Variants in PREX2 observed in about 807,000 individuals in gnomAD.
PREX2 encodes the protein phosphatidylinositol-3,4,5-trisphosphate dependent Rac exchange factor 2.
Under a neutral mutation model 203.2 loss-of-function variants are expected in PREX2, and 107 were observed. The observed-to-expected ratio is 0.53, with a 90% confidence interval of 0.45 to 0.62. The LOEUF (loss-of-function observed/expected upper bound fraction) is 0.62, where lower values mean the gene tolerates loss of function less well. Ranked by LOEUF, PREX2 falls within the 20% of genes least tolerant of loss-of-function variation. PREX2 has a pLI of 0.00. For synonymous variants in PREX2, 672 were observed against 663.6 expected, an observed-to-expected ratio of 1.01 and a Z score of -0.19; for missense variants, 1,777 against 1,955.9, an observed-to-expected ratio of 0.91 and a Z score of 1.72.
chr8:68,093,859 A>T (rs1809971392), intron 21 of PREX2, 137 bp downstream of exon 21: 1 of 481,226 alleles, frequency 2.1e-6, no homozygotes, highest in South Asian at 5.7e-5. Context: ...ATGTCTGTCA[A>T]ATGCATAAGT....
At chr8:68,028,530 C>T (rs998473156) in intron 5 of PREX2, among the ~76,000 whole-genome samples, 16 of 151,840 alleles carry the variant, frequency 1.1e-4, no homozygotes, top group South Asian at 6.2e-4. Flanking sequence ...TGGGTATCTG[C>T]GTAAATTTTA....
intron 14 of PREX2, 143 bp downstream of exon 14, chr8:68,072,713 G>T (rs1164026164): frequency 2.0e-6 from 1 of 507,994 alleles, no homozygotes; most frequent in Admixed American, 3.7e-5. Flanking sequence ...GCAGAGTTAG[G>T]ATTTGAACCT....
intron 37 of PREX2, among the ~76,000 whole-genome samples, chr8:68,206,561 T>C (rs1812630274): frequency 6.6e-6 from 1 of 152,178 alleles, no homozygotes; most frequent in Non-Finnish European, 1.5e-5. Context: ...TGCTGGGTCC[T>C]ATTAGAGCTT....
intron 17 of PREX2, among the ~76,000 whole-genome samples, chr8:68,081,230 C>G (rs1809508859): frequency 6.6e-6 from 1 of 152,120 alleles, no homozygotes; most frequent in African/African-American, 2.4e-5. Flanking sequence ...CATAGATCCC[C>G]CGCATGCTCG....
intron 30 of PREX2, 65 bp downstream of exon 30, chr8:68,121,114 C>T (rs1810764222): frequency 6.5e-7 from 1 of 1,549,520 alleles, no homozygotes; most frequent in Admixed American, 2.0e-5. Context: ...CCCACTAAAA[C>T]CAAAAGTTTG....
chr8:67,952,162 C>G lies in PREX2; in HGVS notation c.-233C>G. The G allele has an allele frequency of 2.8e-6, 1 of 357,498 alleles. No individual in the cohort carries two copies. The highest frequency in any genetic ancestry group is 4.9e-6 in the Non-Finnish European group (1 of 204,066). 22.1% of individuals were successfully genotyped at this position (357,498 alleles called of 1,614,324 possible). On this transcript the variant is annotated 5_prime_UTR_variant, in exon 1 of 40. Coordinates refer to ENST00000288368, the MANE Select transcript of PREX2 (RefSeq NM_024870.4). ...GCGCGCAGGGCCTGGCCGGAGCCCCCACTCCCAGGAGTTTCCTCTGCAGAG... is the reference window on the plus strand; with the variant it reads ...GCGCGCAGGGCCTGGCCGGAGCCCCGACTCCCAGGAGTTTCCTCTGCAGAG...
intron 15 of PREX2, 129 bp from the exon 16 acceptor site, chr8:68,080,314 T>C: frequency 1.4e-6 from 1 of 703,806 alleles, no homozygotes; most frequent in South Asian, 2.0e-5. Flanking sequence ...TACTTGTGAA[T>C]GTAACTAGTC....
intron 39 of PREX2, among the ~76,000 whole-genome samples, chr8:68,225,344 AAAT>A: frequency 6.6e-6 from 1 of 152,206 alleles, no homozygotes; most frequent in East Asian, 1.9e-4. Flanking sequence ...ATTGACTTTA[AAAT>A]AAATGAACAT....
rs1011574524 is a variant in PREX2 at position 68,079,798 on chromosome 8, G to C, written c.1643-645G>C. On this transcript the variant is annotated intron_variant, in intron 15 of 39. Transcript: ENST00000288368. ...CATTCCAAGAATCTTAGGGGATTTG[G>C]GGGGAAATGCTAATGTTCAGATAAG... 3.3e-5 allele frequency among the ~76,000 whole-genome samples: 5 copies of C among 152,008 alleles called. No individual in the cohort carries two copies. The East Asian group carries it at 7.7e-4, about 23-fold the overall frequency.
chr8:68,048,461 G>A (rs1194056811), intron 8 of PREX2, among the ~76,000 whole-genome samples: 5 of 151,882 alleles, frequency 3.3e-5, no homozygotes, highest in African/African-American at 9.7e-5. Context: ...CGTCAAATTC[G>A]AACTGGATAA....
At position 68,098,938 on chromosome 8, in the gene PREX2, GTATATATATATATA is replaced by G. The variant is rs71253061; in HGVS notation, c.2554-718_2554-705del. Among the ~76,000 whole-genome samples the G allele has an allele frequency of 1.2e-3, 127 of 109,806 alleles. 1 individual carries two copies. The highest frequency in any genetic ancestry group is 2.2e-3 in the African/African-American group (59 of 26,412). The allele number at this position is 109,806 out of a possible 152,430, so 72.0% of individuals were successfully genotyped here. On this transcript the variant is annotated intron_variant, in intron 22 of 39. Coordinates refer to ENST00000288368, the MANE Select transcript of PREX2 (RefSeq NM_024870.4). ...AATCAGAAATGCTACATATATATGTGTATATATATATATATATATATATATATATATATATATAT... is the reference window on the plus strand; with the variant it reads ...AATCAGAAATGCTACATATATATGTGTATATATATATATATATATATATAT...
intron 23 of PREX2, among the ~76,000 whole-genome samples, chr8:68,106,556 G>C (rs1810417424): frequency 1.3e-5 from 2 of 152,034 alleles, no homozygotes; most frequent in Admixed American, 6.5e-5. Context: ...CATGTGAATT[G>C]AAGACATAGT....
At chr8:68,190,752 A>G (rs1282768146) in intron 35 of PREX2, among the ~76,000 whole-genome samples, 2 of 152,052 alleles carry the variant, frequency 1.3e-5, no homozygotes, top group African/African-American at 2.4e-5. Flanking sequence ...TCTAAAATAA[A>G]TTAAAAGAAT....
At chr8:68,075,970 A>G (rs947090186) in intron 14 of PREX2, among the ~76,000 whole-genome samples, 1 of 152,202 alleles carries the variant, frequency 6.6e-6, no homozygotes, top group Non-Finnish European at 1.5e-5. Flanking sequence ...GAACGAGCAC[A>G]GACTTCAGGC....
chr8:67,952,535 G>C lies in PREX2; in HGVS notation c.141G>C (p.Ser47=). Reference sequence around the variant, plus strand: ...TGGGCACGCTGGAGTTCCTGGTGTCGGTGAGTGTCCCCGGCAGACGCAGGG... The same window carrying C: ...TGGGCACGCTGGAGTTCCTGGTGTCCGTGAGTGTCCCCGGCAGACGCAGGG... ...DYVGTLEFLV[S]AFLHRMNQCA... Residue 47 remains serine (S), a splice_region_variant and synonymous_variant, in exon 1 of 40, where the codon TCG becomes TCC. Coordinates refer to ENST00000288368, the MANE Select transcript of PREX2 (RefSeq NM_024870.4). 1 of 1,609,202 alleles carries C rather than the reference G, an allele frequency of 6.2e-7. No individual in the cohort carries two copies. Among genetic ancestry groups the C allele is most frequent in the Non-Finnish European group, 8.5e-7 (1 of 1,177,850 alleles).
At chr8:68,190,064 A>G (rs1812262282) in intron 35 of PREX2, among the ~76,000 whole-genome samples, 1 of 152,202 alleles carries the variant, frequency 6.6e-6, no homozygotes, top group South Asian at 2.1e-4. Flanking sequence ...GGGTGTGAAC[A>G]CATATGTTCA....
chr8:68,134,762 G>A (rs1209807472), intron 32 of PREX2, among the ~76,000 whole-genome samples: 1 of 152,070 alleles, frequency 6.6e-6, no homozygotes, highest in East Asian at 1.9e-4. Context: ...TCTTTTCTTT[G>A]TATGCATGTT....
At chr8:68,148,136 A>G (rs1377850706) in intron 34 of PREX2, among the ~76,000 whole-genome samples, 1 of 152,002 alleles carries the variant, frequency 6.6e-6, no homozygotes, top group Non-Finnish European at 1.5e-5. Flanking sequence ...AATCCCAGCT[A>G]CTCGGGAGGC....
intron 1 of PREX2, among the ~76,000 whole-genome samples, chr8:68,012,834 C>G (rs1017586139): frequency 6.6e-6 from 1 of 152,156 alleles, no homozygotes; most frequent in African/African-American, 2.4e-5. Context: ...ATCCTGTGAG[C>G]ACCGGACAGT....
Sources: allele counts gnomAD v4.1 joint callset (sites outside exome capture counted in the v4.1 genomes callset), GRCh38; gene constraint gnomAD v4.1.1; transcripts MANE v1.5; gene names NCBI Gene and HGNC (gene_info 2026-07-23, HGNC 2026-07-21).